Variants in MGAT4C observed in about 807,000 individuals in gnomAD.
MGAT4C encodes MGAT4 family member C.
MGAT4C carries 19 observed loss-of-function variants against 40.1 expected under a neutral mutation model. That is an observed-to-expected ratio of 0.47 (90% confidence interval 0.33 to 0.70). The LOEUF is 0.70. MGAT4C is among the 30% of genes least tolerant of loss of function. The probability of loss-of-function intolerance (pLI) is 0.02; values close to 1 mark genes in which losing one functional copy is unlikely to be tolerated. For synonymous variants in MGAT4C, 181 were observed against 187.1 expected, an observed-to-expected ratio of 0.97 and a Z score of 0.27; for missense variants, 491 against 563.2, an observed-to-expected ratio of 0.87 and a Z score of 1.30.
chr12:86,073,316 C>A (rs1868967807), intron 1 of MGAT4C, among the ~76,000 whole-genome samples: 1 of 152,168 alleles, frequency 6.6e-6, no homozygotes, highest in Non-Finnish European at 1.5e-5. Flanking sequence ...ATAAATTACC[C>A]CGTCTTGGGT....
intron 4 of MGAT4C, among the ~76,000 whole-genome samples, chr12:86,320,516 C>T (rs1256854360): frequency 1.3e-5 from 2 of 151,982 alleles, no homozygotes; most frequent in African/African-American, 2.4e-5. Flanking sequence ...GAGAATTTGC[C>T]ATGTACCAAA....
At chr12:86,379,553 T>C (rs893164132) in intron 3 of MGAT4C, among the ~76,000 whole-genome samples, 6 of 152,092 alleles carry the variant, frequency 3.9e-5, no homozygotes, top group Non-Finnish European at 7.4e-5. Context: ...TGATTCATGA[T>C]TATATATCTA....
intron 3 of MGAT4C, among the ~76,000 whole-genome samples, chr12:86,406,554 T>G (rs1956478908): frequency 6.6e-6 from 1 of 151,986 alleles, no homozygotes; most frequent in Non-Finnish European, 1.5e-5. Context: ...ATGTATTTTG[T>G]TTTTTAGCCA....
At chr12:86,239,928 A>G (rs1951706672) in intron 1 of MGAT4C, among the ~76,000 whole-genome samples, 1 of 151,004 alleles carries the variant, frequency 6.6e-6, no homozygotes, top group Non-Finnish European at 1.5e-5. Context: ...CTAATGCTAG[A>G]TGACACGTTA....
chr12:86,793,742 G>A (rs966606005), intron 1 of MGAT4C, among the ~76,000 whole-genome samples: 1 of 151,672 alleles, frequency 6.6e-6, no homozygotes, highest in Admixed American at 6.6e-5. Context: ...CTTATTTATT[G>A]TTCAAACATT....
intron 1 of MGAT4C, among the ~76,000 whole-genome samples, chr12:86,056,350 C>T (rs758889908): frequency 3.9e-5 from 6 of 152,208 alleles, no homozygotes; most frequent in South Asian, 4.1e-4. Context: ...TTGTCATGTA[C>T]GTTAGGCATT....
chr12:86,260,355 G>A (rs1952634247), upstream of MGAT4C, among the ~76,000 whole-genome samples: 1 of 152,084 alleles, frequency 6.6e-6, no homozygotes, highest in African/African-American at 2.4e-5. Flanking sequence ...GTTTCTCAAT[G>A]TACCCTGTTT....
intron 1 of MGAT4C, among the ~76,000 whole-genome samples, chr12:86,788,530 T>C (rs1423699400): frequency 1.3e-5 from 2 of 152,132 alleles, no homozygotes; most frequent in Non-Finnish European, 2.9e-5. Context: ...TTCCTTTAAA[T>C]CTAGGAGTTG....
intron 1 of MGAT4C, among the ~76,000 whole-genome samples, chr12:86,148,541 T>G (rs1183964006): frequency 6.6e-6 from 1 of 152,132 alleles, no homozygotes; most frequent in Non-Finnish European, 1.5e-5. Context: ...CTGTGCAAAT[T>G]TTCTCATGCC....
chr12:85,978,373 C>T lies in MGAT4C; in HGVS notation c.*916G>A, dbSNP rs1592588519. The T allele has an allele frequency of 2.6e-5, 4 of 151,670 alleles. No individual in the cohort carries two copies. The East Asian group carries it at 7.7e-4, about 29-fold the overall frequency. 9.4% of individuals were successfully genotyped at this position (151,670 alleles called of 1,614,324 possible). On this transcript the variant is annotated 3_prime_UTR_variant, in exon 5 of 5. Transcript: ENST00000611864. ...TTACTTTTCTCCTTTATAATATACC[C>T]ATTTAAATTCCAAAAAGGTATATGA...
intron 2 of MGAT4C, among the ~76,000 whole-genome samples, chr12:86,473,584 A>G (rs2079333023): frequency 6.6e-6 from 1 of 152,238 alleles, no homozygotes; most frequent in Non-Finnish European, 1.5e-5. Flanking sequence ...TATGCCATTT[A>G]CTGCCTTCAA....
chr12:86,610,107 T>TA (rs1333383448), intron 2 of MGAT4C, among the ~76,000 whole-genome samples: 23 of 152,220 alleles, frequency 1.5e-4, no homozygotes, highest in African/African-American at 5.3e-4. Flanking sequence ...GCATGGCAAT[T>TA]TTTTTTTCTC....
chr12:86,457,962 T>C, intron 2 of MGAT4C, among the ~76,000 whole-genome samples: 1 of 152,192 alleles, frequency 6.6e-6, no homozygotes, highest in East Asian at 1.9e-4. Flanking sequence ...ATTTTTTAAT[T>C]TGATAATTTT....
chr12:86,709,145 C>T (rs377197687), intron 2 of MGAT4C, among the ~76,000 whole-genome samples: 4 of 152,208 alleles, frequency 2.6e-5, no homozygotes, highest in South Asian at 2.1e-4. Context: ...AGGTCTTTCC[C>T]ATTCTGTTCC....
chr12:86,218,551 T>C (rs574393775), intron 1 of MGAT4C, among the ~76,000 whole-genome samples: 8 of 152,324 alleles, frequency 5.3e-5, no homozygotes, highest in African/African-American at 1.9e-4. Flanking sequence ...TTTTGAGTTC[T>C]ATTTGTATGG....
At chr12:86,010,814 A>G (rs1888394532) in intron 2 of MGAT4C, among the ~76,000 whole-genome samples, 1 of 152,192 alleles carries the variant, frequency 6.6e-6, no homozygotes. Flanking sequence ...TGAATGGATT[A>G]ATCCATTCAT....
intron 1 of MGAT4C, among the ~76,000 whole-genome samples, chr12:86,785,083 A>G (rs74389576): frequency 1.3e-5 from 2 of 152,018 alleles, no homozygotes; most frequent in Non-Finnish European, 2.9e-5. Flanking sequence ...GGTTTCATCA[A>G]ATGAAAGGCA....
chr12:85,994,274 A>G (rs1886338675), intron 2 of MGAT4C, among the ~76,000 whole-genome samples: 1 of 152,252 alleles, frequency 6.6e-6, no homozygotes. Flanking sequence ...AATTCTGCAA[A>G]TTGTAATCCT....
chr12:86,598,515 G>C (rs140075729), intron 2 of MGAT4C, among the ~76,000 whole-genome samples: 4 of 152,166 alleles, frequency 2.6e-5, no homozygotes, highest in African/African-American at 9.6e-5. Context: ...GGAAAAGCTA[G>C]TCTTTAAAAC....
Sources: gnomAD v4.1 joint callset for allele counts (sites outside exome capture counted in the v4.1 genomes callset) on GRCh38, gnomAD v4.1.1 for gene constraint, MANE v1.5 for transcripts, NCBI Gene and HGNC (gene_info 2026-07-23, HGNC 2026-07-21) for gene names.